TEX11: variants seen among roughly 807,000 people sequenced by gnomAD.
TEX11 encodes the protein testis expressed 11.
A neutral mutation model predicts 84.4 loss-of-function variants in TEX11; 7 were observed. That is an observed-to-expected ratio of 0.08 (90% CI 0.05 to 0.16). The LOEUF (loss-of-function observed/expected upper bound fraction) is 0.16, where lower values mean the gene tolerates loss of function less well. TEX11 is among the 10% of genes least tolerant of loss of function. TEX11 has a pLI of 1.00. For synonymous variants in TEX11, 264 were observed against 222.8 expected, an observed-to-expected ratio of 1.18 and a Z score of -1.64; for missense variants, 551 against 660.5, an observed-to-expected ratio of 0.83 and a Z score of 1.82.
intron 8 of TEX11, among the ~76,000 whole-genome samples, chrX:70,815,286 G>A (rs2091279846): frequency 9.0e-6 from 1 of 111,621 alleles, no homozygotes; most frequent in Admixed American, 9.6e-5. Flanking sequence ...CAAAATATAA[G>A]AATTTTCTAA....
chrX:70,589,549 T>C (rs370664548), intron 25 of TEX11, among the ~76,000 whole-genome samples: 7 of 111,365 alleles, frequency 6.3e-5, no homozygotes. Flanking sequence ...TTGGAAACAG[T>C]GTCTTGCTGT....
intron 7 of TEX11, among the ~76,000 whole-genome samples, chrX:70,842,160 C>T (rs1339476650): frequency 9.0e-6 from 1 of 110,954 alleles, no homozygotes; most frequent in Non-Finnish European, 1.9e-5. Context: ...ATACCAAAGC[C>T]TGGCAGAGAC....
At chrX:70,906,141 G>A (rs2091832887) in intron 2 of TEX11, among the ~76,000 whole-genome samples, 1 of 52,380 alleles carries the variant, frequency 1.9e-5, no homozygotes, top group Non-Finnish European at 3.6e-5. Context: ...ATATCACAAT[G>A]CTGAGCAAAA....
intron 17 of TEX11, among the ~76,000 whole-genome samples, chrX:70,635,803 C>T (rs1336195391): frequency 1.8e-5 from 2 of 110,916 alleles, no homozygotes; most frequent in Non-Finnish European, 3.8e-5. Context: ...AGGCATACCC[C>T]AGGTTTTCAG....
intron 28 of TEX11, among the ~76,000 whole-genome samples, chrX:70,548,569 G>T (rs919557072): frequency 9.0e-6 from 1 of 111,330 alleles, no homozygotes; most frequent in Admixed American, 9.5e-5. Context: ...CCCAACAGTG[G>T]CTGCATGGCA....
At chrX:70,711,087 C>T (rs939094346) in intron 13 of TEX11, among the ~76,000 whole-genome samples, 1 of 110,644 alleles carries the variant, frequency 9.0e-6, no homozygotes, top group African/African-American at 3.3e-5. Flanking sequence ...TGGTTTCCAG[C>T]TTCATCCATG....
intron 8 of TEX11, among the ~76,000 whole-genome samples, chrX:70,816,946 G>A (rs1417488758): frequency 9.1e-6 from 1 of 110,071 alleles, no homozygotes; most frequent in African/African-American, 3.3e-5. Context: ...ATGGAAGACT[G>A]GTAACATACA....
intron 9 of TEX11, among the ~76,000 whole-genome samples, chrX:70,744,870 G>A (rs1351477771): frequency 4.7e-5 from 5 of 106,848 alleles, no homozygotes; most frequent in East Asian, 2.9e-4. Flanking sequence ...ATCACCATGC[G>A]TGGCTAATTT....
intron 25 of TEX11, among the ~76,000 whole-genome samples, chrX:70,579,172 T>A (rs1392614828): frequency 1.8e-5 from 2 of 110,609 alleles, no homozygotes; most frequent in East Asian, 2.8e-4. Flanking sequence ...GCAAATGAGA[T>A]TTGTTTAATA....
chrX:70,515,007 G>A, the TEX11 span, among the ~76,000 whole-genome samples: 1 of 110,192 alleles, frequency 9.1e-6, no homozygotes, highest in Non-Finnish European at 1.9e-5. Context: ...AGCAGAGGTT[G>A]CAGTGAGCTG....
chrX:70,573,790 C>T (rs1240022865), intron 25 of TEX11, among the ~76,000 whole-genome samples: 1 of 111,571 alleles, frequency 9.0e-6, no homozygotes, highest in Non-Finnish European at 1.9e-5. Context: ...ATGACCTTTC[C>T]AGTTATGGGT....
chrX:70,855,095 A>G (rs905163276), intron 5 of TEX11, among the ~76,000 whole-genome samples: 1 of 111,124 alleles, frequency 9.0e-6, no homozygotes, highest in Non-Finnish European at 1.9e-5. Context: ...ATATGTGTGT[A>G]TATAAAAATA....
intron 9 of TEX11, among the ~76,000 whole-genome samples, chrX:70,788,963 TATATATATATAGAG>T (rs1314027193): frequency 7.1e-4 from 31 of 43,767 alleles, no homozygotes; most frequent in African/African-American, 3.1e-3. Context: ...TATATATATA[TATATATATATAGAG>T]AGAGAGAGAG....
At chrX:70,675,920 G>A (rs993822068) in intron 15 of TEX11, among the ~76,000 whole-genome samples, 10 of 111,763 alleles carry the variant, frequency 8.9e-5, no homozygotes, top group South Asian at 3.8e-4. Context: ...GTGAGCCACC[G>A]CATCCGGCCC....
chrX:70,565,349 A>T (rs1355999429), intron 25 of TEX11, among the ~76,000 whole-genome samples: 1 of 105,641 alleles, frequency 9.5e-6, no homozygotes, highest in Non-Finnish European at 1.9e-5. Flanking sequence ...CCCATTTTGT[A>T]GGTTGCCTGT....
chrX:70,668,211 A>C (rs1322214468), intron 16 of TEX11, among the ~76,000 whole-genome samples: 1 of 112,325 alleles, frequency 8.9e-6, no homozygotes, highest in Non-Finnish European at 1.9e-5. Context: ...AAAACTCAAC[A>C]AGAGTCAGTA....
At chrX:70,606,831 C>T in intron 23 of TEX11, 128 bp downstream of exon 23, 1 of 369,135 alleles carries the variant, frequency 2.7e-6, no homozygotes, top group Non-Finnish European at 4.6e-6. Flanking sequence ...GTCATTCCTG[C>T]TTACATATAT....
chrX:70,831,908 A>T (rs1376513784), intron 8 of TEX11, among the ~76,000 whole-genome samples: 1 of 111,069 alleles, frequency 9.0e-6, no homozygotes, highest in Non-Finnish European at 1.9e-5. Context: ...TTATACCCCC[A>T]ATAAAGCTAG....
At chrX:70,719,944 T>C (rs923685262) in intron 13 of TEX11, among the ~76,000 whole-genome samples, 5 of 111,562 alleles carry the variant, frequency 4.5e-5, no homozygotes, top group East Asian at 5.6e-4. Context: ...AGTTCAACCA[T>C]TGTGGAAGAC....
Sources: allele counts gnomAD v4.1 joint callset (sites outside exome capture counted in the v4.1 genomes callset), GRCh38; gene constraint gnomAD v4.1.1; transcripts MANE v1.5; gene names NCBI Gene and HGNC (gene_info 2026-07-23, HGNC 2026-07-21).